TSNARE1: variants seen among roughly 807,000 people sequenced by gnomAD.
TSNARE1 encodes the protein t-SNARE domain-containing protein 1.
TSNARE1 carries 49 observed loss-of-function variants against 62.0 expected under a neutral mutation model. That is an observed-to-expected ratio of 0.79 (90% CI 0.63 to 1.00). The LOEUF (loss-of-function observed/expected upper bound fraction) is 1.00, where lower values mean the gene tolerates loss of function less well. TSNARE1 is among the 50% of genes least tolerant of loss of function. The pLI is 0.00. For synonymous variants in TSNARE1, 328 were observed against 294.4 expected (o/e 1.11, Z -1.17); for missense variants, 755 against 700.1 (o/e 1.08, Z -0.88).
intron 12 of TSNARE1, among the ~76,000 whole-genome samples, chr8:142,246,483 C>G (rs1817888673): frequency 6.6e-6 from 1 of 152,160 alleles, no homozygotes; most frequent in East Asian, 1.9e-4. Context: ...GCCCCCTCCT[C>G]CCCTGGACAC....
intron 1 of TSNARE1, among the ~76,000 whole-genome samples, chr8:142,376,544 G>A (rs1253508236): frequency 1.3e-5 from 2 of 152,126 alleles, no homozygotes; most frequent in Non-Finnish European, 2.9e-5. Flanking sequence ...CCCAGAAGAG[G>A]GCCCCCCAGA....
chr8:142,235,201 G>A (rs1266013989), intron 12 of TSNARE1, among the ~76,000 whole-genome samples: 2 of 150,848 alleles, frequency 1.3e-5, no homozygotes, highest in African/African-American at 4.9e-5. Context: ...CAGGATACCC[G>A]CAGGCCCCAG....
chr8:142,357,603 CA>C (rs1834849022), intron 1 of TSNARE1, among the ~76,000 whole-genome samples: 1 of 152,146 alleles, frequency 6.6e-6, no homozygotes, highest in Non-Finnish European at 1.5e-5. Context: ...GAGTCAAGGA[CA>C]AGTCCTAAGT....
intron 1 of TSNARE1, among the ~76,000 whole-genome samples, chr8:142,399,103 C>T (rs1838107466): frequency 6.6e-6 from 1 of 152,210 alleles, no homozygotes; most frequent in Admixed American, 6.5e-5. Context: ...GTGAGGACAC[C>T]CCGCCCATAA....
intron 13 of TSNARE1, among the ~76,000 whole-genome samples, chr8:142,222,821 CACT>C: frequency 6.7e-6 from 1 of 149,828 alleles, no homozygotes; most frequent in Non-Finnish European, 1.5e-5. Context: ...TTCACTCACT[CACT>C]CACTCATTCA....
intron 11 of TSNARE1, chr8:142,278,165 C>T (rs902190847): frequency 4.9e-5 from 48 of 985,280 alleles, no homozygotes; most frequent in Admixed American, 6.1e-5. Context: ...CCAGGCCCAT[C>T]GCCCAAGGCC....
intron 1 of TSNARE1, among the ~76,000 whole-genome samples, chr8:142,397,967 C>T (rs1466218375): frequency 1.3e-5 from 2 of 152,140 alleles, no homozygotes; most frequent in African/African-American, 4.8e-5. Flanking sequence ...GCCCCGGGTT[C>T]CCTGCTCAGC....
intron 5 of TSNARE1, 143 bp downstream of exon 5, chr8:142,331,611 G>T: frequency 1.3e-6 from 1 of 751,844 alleles, no homozygotes; most frequent in East Asian, 2.7e-5. Flanking sequence ...ATCCAACGTC[G>T]CATCAGTGGA....
chr8:142,275,850 C>T, intron 11 of TSNARE1: 3 of 985,286 alleles, frequency 3.0e-6, no homozygotes, highest in Non-Finnish European at 3.6e-6. Context: ...CCAGGCACAG[C>T]CTGGCACGAC....
At chr8:142,325,109 G>A (rs547773635) in intron 6 of TSNARE1, among the ~76,000 whole-genome samples, 33 of 152,378 alleles carry the variant, frequency 2.2e-4, no homozygotes, top group South Asian at 1.9e-3. Context: ...GACCGCCCAC[G>A]GTGGAGGAGG....
chr8:142,241,660 A>G (rs1817672073), intron 12 of TSNARE1, among the ~76,000 whole-genome samples: 1 of 152,094 alleles, frequency 6.6e-6, no homozygotes. Flanking sequence ...ACAGACGTAC[A>G]GACCAATGAA....
chr8:142,353,473 G>A (rs561121335), intron 2 of TSNARE1, among the ~76,000 whole-genome samples: 24 of 152,286 alleles, frequency 1.6e-4, no homozygotes, highest in African/African-American at 5.3e-4. Context: ...CCTGTGAGGC[G>A]CTAAGTGGTG....
At chr8:142,331,641 C>A (rs1403891790) in intron 5 of TSNARE1, 113 bp downstream of exon 5, 3 of 1,032,856 alleles carry the variant, frequency 2.9e-6, no homozygotes, top group Non-Finnish European at 2.9e-6. Context: ...CCCGGGACTG[C>A]ACCGCAGGAT....
At chr8:142,278,094 A>G in intron 11 of TSNARE1, 1 of 984,158 alleles carries the variant, frequency 1.0e-6, no homozygotes, top group Non-Finnish European at 1.2e-6. Context: ...CTCCAGCCCC[A>G]CCCCATCAGG....
intron 4 of TSNARE1, among the ~76,000 whole-genome samples, chr8:142,332,101 A>G (rs572462172): frequency 1.5e-3 from 227 of 152,270 alleles, no homozygotes; most frequent in African/African-American, 5.2e-3. Context: ...GTTTCCATAC[A>G]CCGCAGCAGC....
intron 1 of TSNARE1, among the ~76,000 whole-genome samples, chr8:142,382,436 C>T (rs2131243175): frequency 6.6e-6 from 1 of 152,312 alleles, no homozygotes; most frequent in South Asian, 2.1e-4. Flanking sequence ...CAGCTGCCGG[C>T]ACTGCCCGCC....
chr8:142,352,374 C>T (rs897041363), intron 2 of TSNARE1, among the ~76,000 whole-genome samples: 3 of 152,276 alleles, frequency 2.0e-5, no homozygotes, highest in Non-Finnish European at 4.4e-5. Flanking sequence ...CGTCCGACAC[C>T]CCTGGGTGCT....
Position 142,229,558 on chromosome 8 carries a change from A to G in TSNARE1, c.1468T>C (p.Cys490Arg), listed in dbSNP as rs1232083801. The change falls in exon 13 of 14, where the codon TGC (cysteine) becomes CGC (arginine). Residue 490 changes from cysteine (C) to arginine (R), a missense_variant. Transcript: ENST00000524325. Reference protein sequence around the residue: ...RHQLQRHKIKCCFLSAGVTAL... With the variant: ...RHQLQRHKIKRCFLSAGVTAL... Reference sequence around the variant, plus strand: ...GTGACTCCAGCTGATAGGAAGCAGCACTTGATCTTGTGTCTCTGGAGCTGG... The same window carrying G: ...GTGACTCCAGCTGATAGGAAGCAGCGCTTGATCTTGTGTCTCTGGAGCTGG... 6 of 1,613,858 alleles carry G rather than the reference A, an allele frequency of 3.7e-6. No homozygotes were observed. The highest frequency in any genetic ancestry group is 5.1e-6 in the Non-Finnish European group (6 of 1,180,014).
At chr8:142,278,263 G>GCCCACAT (rs1820825884) in intron 11 of TSNARE1, 1 of 985,364 alleles carries the variant, frequency 1.0e-6, no homozygotes, top group Non-Finnish European at 1.2e-6. Context: ...CTCTGCCCAT[G>GCCCACAT]GGTCCCAGCC....
Sources: allele counts gnomAD v4.1 joint callset (sites outside exome capture counted in the v4.1 genomes callset), GRCh38; gene constraint gnomAD v4.1.1; transcripts MANE v1.5; gene names NCBI Gene and HGNC (gene_info 2026-07-23, HGNC 2026-07-21).